DIAPH2: variants seen among roughly 807,000 people sequenced by gnomAD.
DIAPH2 encodes the protein diaphanous related formin 2.
A neutral mutation model predicts 92.7 loss-of-function variants in DIAPH2; 35 were observed. The ratio of observed to expected loss-of-function variants is 0.38; its 90% CI spans 0.29 to 0.50. The LOEUF (loss-of-function observed/expected upper bound fraction) is 0.50. DIAPH2 is among the 20% of genes least tolerant of loss of function. The probability of loss-of-function intolerance (pLI) is 0.94; values close to 1 mark genes in which losing one functional copy is unlikely to be tolerated. For missense variants in DIAPH2, 701 were observed against 819.5 expected (o/e 0.86, Z 1.77); for synonymous variants, 301 against 280.4 (o/e 1.07, Z -0.73).
chrX:96,773,242 C>CCG (rs767579908), intron 4 of DIAPH2, among the ~76,000 whole-genome samples: 161 of 86,158 alleles, frequency 1.9e-3, no homozygotes, highest in Non-Finnish European at 3.0e-3. Flanking sequence ...TTGTTTCCCC[C>CCG]CCCCTCCCGC....
Position 97,176,040 on chromosome X carries a change from T to C in DIAPH2, c.2719+34246T>C, listed in dbSNP as rs187926288. Among the ~76,000 whole-genome samples the C allele has an allele frequency of 1.2e-4, 13 of 112,321 alleles. No individual in the cohort carries two copies. In the East Asian group the frequency reaches 3.6e-3, roughly 31 times the overall value. On this transcript the variant is annotated intron_variant, in intron 22 of 26. Coordinates refer to ENST00000324765, the MANE Select transcript of DIAPH2 (RefSeq NM_006729.5). ...TTTCAAGTTTTTGTATGTTATTATG[T>C]TGTCCTATGAATTGCCTGTGCTCCA... is the stretch of plus-strand genomic sequence containing the variant.
At chrX:96,744,361 A>C (rs1249937815) in intron 3 of DIAPH2, among the ~76,000 whole-genome samples, 1 of 112,629 alleles carries the variant, frequency 8.9e-6, no homozygotes, top group Non-Finnish European at 1.9e-5. Context: ...AGGCAAGAAA[A>C]TTGGTTCATT....
At chrX:97,427,668 GT>G (rs2070083561) in intron 25 of DIAPH2, among the ~76,000 whole-genome samples, 1 of 106,234 alleles carries the variant, frequency 9.4e-6, no homozygotes. Context: ...TTTTGTTTTT[GT>G]TTTTGTTTTT....
intron 25 of DIAPH2, among the ~76,000 whole-genome samples, chrX:97,396,346 C>G (rs2069703631): frequency 1.8e-5 from 2 of 110,755 alleles, no homozygotes; most frequent in Admixed American, 1.9e-4. Flanking sequence ...ATTCCCGAGC[C>G]CCTGGGCTGC....
chrX:96,993,049 A>G (rs2066082408), intron 17 of DIAPH2, among the ~76,000 whole-genome samples: 1 of 112,673 alleles, frequency 8.9e-6, no homozygotes, highest in African/African-American at 3.2e-5. Context: ...AAGTATTTAC[A>G]AAAATAATAT....
chrX:97,181,556 C>T (rs2067540083), intron 22 of DIAPH2, among the ~76,000 whole-genome samples: 1 of 111,890 alleles, frequency 8.9e-6, no homozygotes, highest in South Asian at 3.7e-4. Context: ...GGATTACAGG[C>T]ATGCGCCACC....
intron 23 of DIAPH2, among the ~76,000 whole-genome samples, chrX:97,260,941 G>A (rs755758506): frequency 3.6e-5 from 4 of 112,179 alleles, no homozygotes; most frequent in Non-Finnish European, 7.5e-5. Context: ...TTAATCGAGA[G>A]CTATAAAAAC....
chrX:97,096,423 C>A (rs1237632715), intron 19 of DIAPH2, among the ~76,000 whole-genome samples: 2 of 111,730 alleles, frequency 1.8e-5, no homozygotes, highest in Non-Finnish European at 3.8e-5. Flanking sequence ...GACCCTGATT[C>A]TTATCAAAAG....
rs370541532 is a variant in DIAPH2, at chrX:97,513,799, G to T, written c.3241+84054G>T. On this transcript the variant is annotated intron_variant, in intron 26 of 26. Transcript: ENST00000324765. The stretch of plus-strand genomic sequence containing the variant: ...AGTTTGGCTGGATATGAAATTCTGG[G>T]TTGAAAATTCTTTTCTTTAAGAATG... 3.4e-3 allele frequency among the ~76,000 whole-genome samples: 326 copies of T among 96,323 alleles called. 5 individuals are homozygous for T. The highest frequency in any genetic ancestry group is 0.01 in the East Asian group (31 of 3,038). 83.6% of individuals were successfully genotyped at this position (96,323 alleles called of 115,157 possible).
chrX:97,583,225 G>C (rs951268106), intron 26 of DIAPH2, among the ~76,000 whole-genome samples: 2 of 112,021 alleles, frequency 1.8e-5, no homozygotes, highest in African/African-American at 6.5e-5. Flanking sequence ...GAGGAGCTGC[G>C]TTCCTTTGGA....
At chrX:96,829,027 A>G (rs1409232170) in intron 4 of DIAPH2, among the ~76,000 whole-genome samples, 2 of 112,448 alleles carry the variant, frequency 1.8e-5, no homozygotes, top group Non-Finnish European at 3.8e-5. Context: ...AATTAATACA[A>G]TAGGACAAGT....
At chrX:96,773,667 T>C (rs2064355623) in intron 4 of DIAPH2, among the ~76,000 whole-genome samples, 1 of 110,896 alleles carries the variant, frequency 9.0e-6, no homozygotes, top group African/African-American at 3.3e-5. Context: ...CTGGGCAGCG[T>C]GGCAAAACCC....
chrX:97,228,552 T>G (rs1380786593), intron 22 of DIAPH2, among the ~76,000 whole-genome samples: 1 of 111,890 alleles, frequency 8.9e-6, no homozygotes, highest in Admixed American at 9.5e-5. Flanking sequence ...TCATACCCTT[T>G]ATTAGGCAGC....
At position 96,826,710 on chromosome X, in the gene DIAPH2, C is replaced by G. The variant is rs767737000; in HGVS notation, c.448-54869C>G. Reference sequence around the variant, plus strand: ...AGTCAGAGAAGGCTAGAGCTGGAATCGATCATTTAGTCCAAAACCCTCTTA... The same window carrying G: ...AGTCAGAGAAGGCTAGAGCTGGAATGGATCATTTAGTCCAAAACCCTCTTA... On this transcript the variant is annotated intron_variant, in intron 4 of 26. Coordinates refer to ENST00000324765, the MANE Select transcript of DIAPH2 (RefSeq NM_006729.5). Among the ~76,000 whole-genome samples the G allele has an allele frequency of 3.6e-5, 4 of 111,375 alleles. No individual in the cohort carries two copies. In the East Asian group the frequency reaches 1.1e-3, roughly 32 times the overall value.
chrX:97,470,534 C>T (rs1207898900), intron 26 of DIAPH2, among the ~76,000 whole-genome samples: 4 of 110,513 alleles, frequency 3.6e-5, no homozygotes, highest in Non-Finnish European at 5.7e-5. Flanking sequence ...TATTGAGATA[C>T]TTTAAGAATC....
At chrX:96,997,389 G>T (rs979502139) in intron 17 of DIAPH2, among the ~76,000 whole-genome samples, 7 of 111,445 alleles carry the variant, frequency 6.3e-5, no homozygotes, top group African/African-American at 2.3e-4. Context: ...TTTTGCCTCA[G>T]TGTGTAAGAT....
At chrX:97,407,502 G>A (rs947761353) in intron 25 of DIAPH2, among the ~76,000 whole-genome samples, 1 of 111,991 alleles carries the variant, frequency 8.9e-6, no homozygotes, top group East Asian at 2.8e-4. Flanking sequence ...TGCATTGATA[G>A]TTTGAAAGAG....
rs2070287562 is a variant in DIAPH2, at chrX:97,444,257, C to A, written c.3241+14512C>A. Among the ~76,000 whole-genome samples, 3 of 106,406 alleles carry A rather than the reference C, an allele frequency of 2.8e-5. No homozygotes were observed. In the Admixed American group the frequency reaches 3.1e-4, roughly 11 times the overall value. The allele number at this position is 106,406 out of a possible 115,157, so 92.4% of individuals were successfully genotyped here. ...GTTTGTCTAGCATAGATACAGTATACCACAAGCAATACAATACTCTCTGGG... is the reference window on the plus strand; with the variant it reads ...GTTTGTCTAGCATAGATACAGTATAACACAAGCAATACAATACTCTCTGGG... On this transcript the variant is annotated intron_variant, in intron 26 of 26. Coordinates refer to ENST00000324765, the MANE Select transcript of DIAPH2 (RefSeq NM_006729.5).
intron 23 of DIAPH2, among the ~76,000 whole-genome samples, chrX:97,300,671 G>A (rs1427369662): frequency 5.0e-5 from 5 of 100,217 alleles, no homozygotes; most frequent in South Asian, 9.5e-4. Context: ...GGTGGCTCAC[G>A]CCTGTAATCC....
Sources: gnomAD v4.1 joint callset for allele counts (sites outside exome capture counted in the v4.1 genomes callset) on GRCh38, gnomAD v4.1.1 for gene constraint, MANE v1.5 for transcripts, NCBI Gene and HGNC (gene_info 2026-07-23, HGNC 2026-07-21) for gene names.